ANO2: variants seen among roughly 807,000 people sequenced by gnomAD.
ANO2 encodes the protein anoctamin 2, also known as anoctamin-2.
A neutral mutation model predicts 124.2 loss-of-function variants in ANO2; 101 were observed. The observed-to-expected ratio is 0.81, with a 90% CI of 0.69 to 0.96. The LOEUF (loss-of-function observed/expected upper bound fraction) is 0.96, where lower values mean the gene tolerates loss of function less well. ANO2 is among the 40% of genes least tolerant of loss of function. The probability of loss-of-function intolerance (pLI) is 0.00; values close to 1 mark genes in which losing one functional copy is unlikely to be tolerated. For synonymous variants in ANO2, 486 were observed against 482.5 expected, an observed-to-expected ratio of 1.01 and a Z score of -0.09; for missense variants, 1,293 against 1,274.5, an observed-to-expected ratio of 1.01 and a Z score of -0.22.
chr12:5,848,599 C>T (rs981973666), intron 4 of ANO2, among the ~76,000 whole-genome samples: 1 of 152,228 alleles, frequency 6.6e-6, no homozygotes, highest in African/African-American at 2.4e-5. Context: ...CCCCAGCAGT[C>T]TTCTCACTGG....
chr12:5,768,258 C>T (rs1373747956), intron 10 of ANO2, among the ~76,000 whole-genome samples: 1 of 152,176 alleles, frequency 6.6e-6, no homozygotes, highest in African/African-American at 2.4e-5. Flanking sequence ...CAGTCCTCAA[C>T]CCTCCCCTTC....
At chr12:5,897,120 CAG>C (rs1314333187) in intron 3 of ANO2, among the ~76,000 whole-genome samples, 1 of 151,716 alleles carries the variant, frequency 6.6e-6, no homozygotes, top group Non-Finnish European at 1.5e-5. Flanking sequence ...CAGATAGATG[CAG>C]AGACATGAGA....
At chr12:5,945,307 C>T (rs1432260862), upstream of ANO2, 9 of 1,077,756 alleles carry the variant, frequency 8.4e-6, no homozygotes, top group South Asian at 4.4e-5. Flanking sequence ...GGCTCAGCTC[C>T]GTCCCGGCGC....
intron 9 of ANO2, among the ~76,000 whole-genome samples, chr12:5,800,293 C>T (rs927424860): frequency 5.9e-5 from 9 of 152,174 alleles, no homozygotes; most frequent in African/African-American, 1.9e-4. Flanking sequence ...TCAGAAAGAA[C>T]CAGGATGGCC....
intron 14 of ANO2, among the ~76,000 whole-genome samples, chr12:5,691,947 A>G (rs916005942): frequency 6.6e-6 from 1 of 152,020 alleles, no homozygotes; most frequent in Non-Finnish European, 1.5e-5. Flanking sequence ...AATAAGGTGA[A>G]GCATGGAAGG....
intron 19 of ANO2, among the ~76,000 whole-genome samples, chr12:5,606,505 C>A (rs2136894535): frequency 6.6e-6 from 1 of 152,216 alleles, no homozygotes; most frequent in Middle Eastern, 3.4e-3. Flanking sequence ...TGTTGTATTT[C>A]TTTTCACATC....
At chr12:5,932,279 G>A (rs375269802) in intron 1 of ANO2, among the ~76,000 whole-genome samples, 5 of 150,472 alleles carry the variant, frequency 3.3e-5, no homozygotes, top group Non-Finnish European at 7.4e-5. Flanking sequence ...AGACTGGTAA[G>A]AAAGTGACTA....
intron 10 of ANO2, among the ~76,000 whole-genome samples, chr12:5,753,228 A>G (rs1428888213): frequency 6.6e-6 from 1 of 152,188 alleles, no homozygotes; most frequent in Non-Finnish European, 1.5e-5. Context: ...CAATATTTAA[A>G]GGGGAAATAT....
intron 10 of ANO2, among the ~76,000 whole-genome samples, chr12:5,756,642 G>A (rs968555662): frequency 6.6e-6 from 1 of 152,244 alleles, no homozygotes; most frequent in Non-Finnish European, 1.5e-5. Flanking sequence ...GGGTGGGCCT[G>A]TTGCCAGAGT....
chr12:5,580,865 G>C lies in ANO2; in HGVS notation c.2234-2347C>G, dbSNP rs775062181. Among the ~76,000 whole-genome samples the C allele has an allele frequency of 2.6e-5, 4 of 152,244 alleles. No individual in the cohort carries two copies. In the East Asian group the frequency reaches 7.7e-4, roughly 29 times the overall value. On this transcript the variant is annotated intron_variant, in intron 20 of 24. Transcript: ENST00000682330. ...AGGTTCCTGCAGGCCCTAGGAGGCCGGCAAGTGCTGGTCGGTAGCAAGACA... is the reference window on the plus strand; with the variant it reads ...AGGTTCCTGCAGGCCCTAGGAGGCCCGCAAGTGCTGGTCGGTAGCAAGACA...
rs116634889 is a variant in ANO2 at position 5,817,529 on chromosome 12, G to C, written c.893-10161C>G. On this transcript the variant is annotated intron_variant, in intron 7 of 24. Transcript: ENST00000682330. ...GCAAGAAAGAGATTCGGTTTGATAA[G>C]AGCTCCAAGGAAAGGGCTTTAAGGA... 3.6e-3 allele frequency among the ~76,000 whole-genome samples: 551 copies of C among 152,328 alleles called. 3 individuals are homozygous for C. The highest frequency in any genetic ancestry group is 0.013 in the African/African-American group (525 of 41,570).
At position 5,809,878 on chromosome 12, in the gene ANO2, G is replaced by C. The variant is rs542081304; in HGVS notation, c.893-2510C>G. Among the ~76,000 whole-genome samples the C allele has an allele frequency of 2.6e-5, 4 of 152,306 alleles. No individual in the cohort carries two copies. The South Asian group carries it at 8.3e-4, about 32-fold the overall frequency. ...AGAGATGGCAGCCCTAACAGTCACC[G>C]GCCCTACGGCTGCAGTTATCTCAGT... On this transcript the variant is annotated intron_variant, in intron 7 of 24. Coordinates refer to ENST00000682330, the MANE Select transcript of ANO2 (RefSeq NM_001364791.2).
intron 3 of ANO2, among the ~76,000 whole-genome samples, chr12:5,857,002 C>A (rs968439414): frequency 6.6e-6 from 1 of 152,102 alleles, no homozygotes; most frequent in African/African-American, 2.4e-5. Flanking sequence ...AATATTGTTA[C>A]CTTCTCATAA....
At chr12:5,749,233 C>T (rs1951367592) in intron 11 of ANO2, among the ~76,000 whole-genome samples, 1 of 152,172 alleles carries the variant, frequency 6.6e-6, no homozygotes, top group Admixed American at 6.5e-5. Context: ...ACTACTTTCC[C>T]CATTACCACC....
chr12:5,852,077 G>A (rs1954929551), intron 4 of ANO2: 2 of 688,666 alleles, frequency 2.9e-6, no homozygotes, highest in Non-Finnish European at 5.3e-6. Context: ...ATATATTGGA[G>A]TTAGAAGGAA....
chr12:5,890,903 T>G (rs376723556), intron 3 of ANO2, among the ~76,000 whole-genome samples: 17 of 152,156 alleles, frequency 1.1e-4, no homozygotes, highest in African/African-American at 3.9e-4. Context: ...CAGAAAACAT[T>G]GTTTGCCTTT....
chr12:5,715,439 G>A (rs575434856), intron 14 of ANO2, among the ~76,000 whole-genome samples: 6 of 152,322 alleles, frequency 3.9e-5, no homozygotes, highest in Middle Eastern at 3.4e-3. Flanking sequence ...GATGTGGACA[G>A]TTCCAGGATT....
intron 4 of ANO2, among the ~76,000 whole-genome samples, chr12:5,852,520 C>T (rs1050540824): frequency 2.0e-5 from 3 of 152,084 alleles, no homozygotes; most frequent in African/African-American, 7.2e-5. Flanking sequence ...AACCCATAGA[C>T]TTTATTCTTC....
chr12:5,786,384 T>C (rs934786501), intron 10 of ANO2, among the ~76,000 whole-genome samples: 18 of 152,162 alleles, frequency 1.2e-4, no homozygotes, highest in African/African-American at 3.9e-4. Context: ...GTCAGTACTG[T>C]CTGTATTAAA....
Sources: gnomAD v4.1 joint callset for allele counts (sites outside exome capture counted in the v4.1 genomes callset) on GRCh38, gnomAD v4.1.1 for gene constraint, MANE v1.5 for transcripts, NCBI Gene and HGNC (gene_info 2026-07-23, HGNC 2026-07-21) for gene names.